Variants in TRPM6 observed in about 807,000 individuals in gnomAD.
TRPM6 encodes transient receptor potential cation channel subfamily M member 6, also known as channel kinase 2.
TRPM6 carries 111 observed loss-of-function variants against 247.6 expected under a neutral mutation model. The observed-to-expected ratio is 0.45, with a 90% confidence interval of 0.38 to 0.52. TRPM6 has a LOEUF of 0.52. Among genes scored for constraint, TRPM6 ranks in the 20% least tolerant of loss-of-function variants. The pLI is 0.00. For missense variants in TRPM6, 2,126 were observed against 2,421.5 expected (o/e 0.88, Z 2.56); for synonymous variants, 892 against 853.8 (o/e 1.04, Z -0.78).
chr9:74,736,658 T>G (rs922587526), intron 36 of TRPM6, among the ~76,000 whole-genome samples: 2 of 152,162 alleles, frequency 1.3e-5, no homozygotes, highest in Admixed American at 1.3e-4. Context: ...ATCTCAAATT[T>G]CATAACATTC....
rs912641987 is a variant in TRPM6 at position 74,723,140 on chromosome 9, T to G, written c.*1473A>C. The G allele has an allele frequency of 1.3e-5, 2 of 152,106 alleles. No individual in the cohort carries two copies. The highest frequency in any genetic ancestry group is 2.9e-5 in the Non-Finnish European group (2 of 68,018). The allele number at this position is 152,106 out of a possible 1,614,324, so 9.4% of individuals were successfully genotyped here. On this transcript the variant is annotated 3_prime_UTR_variant, in exon 39 of 39. Coordinates refer to ENST00000360774, the MANE Select transcript of TRPM6 (RefSeq NM_017662.5). ...CCCAGCATACAAGAGGGATGACTGA[T>G]CCCTCAAATACACTACACAGTGTGG...
chr9:74,798,518 T>G (rs1828183000), intron 17 of TRPM6, among the ~76,000 whole-genome samples: 1 of 152,196 alleles, frequency 6.6e-6, no homozygotes, highest in East Asian at 1.9e-4. Context: ...CTATTGCCCT[T>G]GTGCATTGCA....
At chr9:74,775,754 G>A (rs544908755) in intron 24 of TRPM6, 129 bp downstream of exon 24, 1 of 937,056 alleles carries the variant, frequency 1.1e-6, no homozygotes, top group East Asian at 2.4e-5. Flanking sequence ...AGCATCAGCT[G>A]ATATTCTATT....
At chr9:74,747,496 T>C (rs1438674502) in intron 31 of TRPM6, among the ~76,000 whole-genome samples, 1 of 152,172 alleles carries the variant, frequency 6.6e-6, no homozygotes, top group Non-Finnish European at 1.5e-5. Flanking sequence ...TATTTAGCCA[T>C]TTGGGGCCCC....
chr9:74,764,736 A>G (rs1198345417), intron 25 of TRPM6, among the ~76,000 whole-genome samples: 1 of 152,234 alleles, frequency 6.6e-6, no homozygotes, highest in Non-Finnish European at 1.5e-5. Flanking sequence ...CTTGTACGCA[A>G]AAATAGAATA....
chr9:74,828,756 G>A (rs1307980542), intron 6 of TRPM6, among the ~76,000 whole-genome samples: 2 of 151,326 alleles, frequency 1.3e-5, no homozygotes, highest in Non-Finnish European at 2.9e-5. Flanking sequence ...AGCCTCCCGA[G>A]TAGCTGGGTC....
intron 35 of TRPM6, 103 bp downstream of exon 35, chr9:74,739,264 G>A: frequency 8.8e-7 from 1 of 1,132,018 alleles, no homozygotes. Context: ...TAAGATCATG[G>A]GGAATTTCCC....
At chr9:74,887,373 G>C (rs1008973939) in intron 1 of TRPM6, 55 of 1,385,192 alleles carry the variant, frequency 4.0e-5, no homozygotes, top group Non-Finnish European at 4.9e-5. Flanking sequence ...GTCAGCGTCC[G>C]GGTCTGAGAT....
At chr9:74,838,428 C>T (rs569289454) in intron 5 of TRPM6, among the ~76,000 whole-genome samples, 40 of 152,256 alleles carry the variant, frequency 2.6e-4, no homozygotes, top group African/African-American at 9.6e-4. Context: ...GGGCCAAATC[C>T]CTTGGTTTTA....
chr9:74,882,463 G>A (rs1033960305), intron 1 of TRPM6, among the ~76,000 whole-genome samples: 6 of 152,092 alleles, frequency 3.9e-5, no homozygotes, highest in Non-Finnish European at 8.8e-5. Flanking sequence ...ATGAATCAAC[G>A]TTTCTCAAAC....
chr9:74,776,961 C>A (rs1827247593), intron 23 of TRPM6, among the ~76,000 whole-genome samples: 1 of 152,130 alleles, frequency 6.6e-6, no homozygotes, highest in African/African-American at 2.4e-5. Context: ...ACACAGATAA[C>A]CCATAACTTG....
chr9:74,775,891 A>G lies in TRPM6; in HGVS notation c.3395T>C (p.Val1132Ala), dbSNP rs765998681. The G allele has an allele frequency of 1.9e-5, 30 of 1,613,772 alleles. No homozygotes were observed. The highest frequency in any genetic ancestry group is 2.5e-5 in the Non-Finnish European group (30 of 1,179,942). Residue 1132 changes from valine to alanine, a missense_variant, in exon 24 of 39, where the codon GTT becomes GCT. This residue lies in a region of TRPM6 where 717 missense variants were observed against 715.9 expected (regional missense o/e 1.00). Transcript: ENST00000360774. ...CACATAGAACAACTTACTTAATCCA[A>G]CGTCACCCTCTTCTTGGTCGTGAGG... ...RAPHDQEEGDVGLKLYLSKED... is the reference protein window; with the variant it reads ...RAPHDQEEGDAGLKLYLSKED...
chr9:74,878,933 A>T (rs541223039), intron 1 of TRPM6, among the ~76,000 whole-genome samples: 2 of 152,200 alleles, frequency 1.3e-5, no homozygotes, highest in Non-Finnish European at 2.9e-5. Context: ...TCAATCTGCC[A>T]TTGAGCTATG....
intron 27 of TRPM6, among the ~76,000 whole-genome samples, chr9:74,761,209 T>C (rs1204276926): frequency 3.3e-5 from 5 of 152,182 alleles, no homozygotes; most frequent in African/African-American, 1.2e-4. Context: ...TGGAAGTTTC[T>C]TGAAAAATTA....
chr9:74,863,052 T>G (rs536202735), intron 1 of TRPM6, among the ~76,000 whole-genome samples: 1 of 152,156 alleles, frequency 6.6e-6, no homozygotes, highest in East Asian at 1.9e-4. Flanking sequence ...TGTTTGGTTT[T>G]GTTTTGTTTT....
chr9:74,737,376 C>T (rs779764269), intron 36 of TRPM6: 1 of 1,289,718 alleles, frequency 7.8e-7, no homozygotes, highest in African/African-American at 1.5e-5. Flanking sequence ...CATGATGCCC[C>T]AGGACTGTCT....
At chr9:74,767,455 A>T (rs1389774665) in intron 25 of TRPM6, among the ~76,000 whole-genome samples, 1 of 152,142 alleles carries the variant, frequency 6.6e-6, no homozygotes, top group Non-Finnish European at 1.5e-5. Flanking sequence ...GGATATAGCA[A>T]TCTCTTCTTC....
intron 1 of TRPM6, among the ~76,000 whole-genome samples, chr9:74,860,271 T>C (rs1830655282): frequency 1.3e-5 from 2 of 152,332 alleles, no homozygotes; most frequent in South Asian, 4.1e-4. Context: ...AGACATTCAC[T>C]AAATTGGCAA....
At chr9:74,883,678 A>AT (rs1407023989) in intron 1 of TRPM6, among the ~76,000 whole-genome samples, 1 of 152,144 alleles carries the variant, frequency 6.6e-6, no homozygotes, top group Non-Finnish European at 1.5e-5. Context: ...CAAGTTACAG[A>AT]TCAATATATA....
Sources: allele counts gnomAD v4.1 joint callset (sites outside exome capture counted in the v4.1 genomes callset), GRCh38; gene constraint gnomAD v4.1.1; regional missense constraint gnomAD v4.1.1; transcripts MANE v1.5; gene names NCBI Gene and HGNC (gene_info 2026-07-23, HGNC 2026-07-21).